Variants in SETD5 observed in about 807,000 individuals in gnomAD.
The protein encoded by SETD5 is SET domain containing 5.
Under a neutral mutation model 153.3 loss-of-function variants are expected in SETD5, and 44 were observed. The ratio of observed to expected loss-of-function variants is 0.29; its 90% CI spans 0.23 to 0.37. The LOEUF (loss-of-function observed/expected upper bound fraction) is 0.37, where lower values mean the gene tolerates loss of function less well. SETD5 is among the 10% of genes least tolerant of loss of function. The pLI is 1.00. For missense variants in SETD5, 1,544 were observed against 1,768.0 expected (o/e 0.87, Z 2.27); for synonymous variants, 716 against 645.2 (o/e 1.11, Z -1.66).
chr3:9,425,055 C>CTTTTTTTTTTTTTTTTTTTTTT lies in SETD5; in HGVS notation c.-117+531_-117+552dup, dbSNP rs778883904. Among the ~76,000 whole-genome samples the CTTTTTTTTTTTTTTTTTTTTTT allele has an allele frequency of 2.0e-4, 17 of 83,642 alleles. 3 individuals carry two copies. The highest frequency in any genetic ancestry group is 7.8e-4 in the African/African-American group (16 of 20,436). 54.9% of individuals were successfully genotyped at this position (83,642 alleles called of 152,430 possible). ...AAATTTATAGTTACCGACAATGTTT[C>CTTTTTTTTTTTTTTTTTTTTTT]TTTTTTTTTTTTTTTTTTTTTTTGA... On this transcript the variant is annotated intron_variant, in intron 2 of 22. Coordinates refer to ENST00000402198, the MANE Select transcript of SETD5 (RefSeq NM_001080517.3).
rs771835780 is a variant in SETD5 at position 9,445,115 on chromosome 3, A to G, written c.1255A>G (p.Asn419Asp). Residue 419 changes from asparagine (N) to aspartate (D), a missense_variant, in exon 12 of 23, where the codon AAT becomes GAT. By Grantham distance (23) the Asn-to-Asp change is conservative (BLOSUM62 1). Around this residue, in one of 9 missense-constraint regions of SETD5, gnomAD observed 782 missense variants for 787.2 expected, o/e 0.99. Transcript: ENST00000402198. ...TTGTCCTATACAAAAAAGGAATCCTAATGCTACAGAACTGCCACTCCTACC... is the reference window on the plus strand; with the variant it reads ...TTGTCCTATACAAAAAAGGAATCCTGATGCTACAGAACTGCCACTCCTACC... ...RNCPIQKRNPNATELPLLPPP... is the reference protein window; with the variant it reads ...RNCPIQKRNPDATELPLLPPP... 1 of 1,613,886 alleles carries G rather than the reference A, an allele frequency of 6.2e-7. No individual in the cohort carries two copies. The highest frequency in any genetic ancestry group is 1.3e-5 in the African/African-American group (1 of 74,918).
At chr3:9,448,142 G>A in intron 15 of SETD5, 136 bp downstream of exon 15, 3 of 1,171,756 alleles carry the variant, frequency 2.6e-6, no homozygotes, top group South Asian at 3.3e-5. Flanking sequence ...TGACACAAAA[G>A]GCTGGAGTCA....
At chr3:9,459,375 T>C (rs2043649898) in intron 17 of SETD5, among the ~76,000 whole-genome samples, 1 of 152,172 alleles carries the variant, frequency 6.6e-6, no homozygotes, top group African/African-American at 2.4e-5. Flanking sequence ...ATCTTATTTT[T>C]GATTCATTTT....
Position 9,434,354 on chromosome 3 carries a change from C to G in SETD5, c.198C>G (p.Asp66Glu). Residue 66 changes from aspartate (D) to glutamate (E), a missense_variant, in exon 5 of 23, where the codon GAC (aspartate) becomes GAG (glutamate). Around this residue, in one of 9 missense-constraint regions of SETD5, gnomAD observed 251 missense variants for 326.9 expected, o/e 0.77. Coordinates refer to ENST00000402198, the MANE Select transcript of SETD5 (RefSeq NM_001080517.3). The surrounding 1 kb of genome is among the most constrained non-coding windows in gnomAD (Gnocchi z 5.6). ...TCCAGACGATCATCCCTCGTTCTGA[C>G]CTGAATGGCCTGCCGTCGCCTGTAG... ...LPYATIIPRS[D>E]LNGLPSPVEE... 1.2e-6 allele frequency: 2 copies of G among 1,613,866 alleles called. No homozygotes were observed. The highest frequency in any genetic ancestry group is 1.7e-6 in the Non-Finnish European group (2 of 1,179,786).
chr3:9,443,868 A>T (rs2041606273), intron 11 of SETD5, among the ~76,000 whole-genome samples: 1 of 152,168 alleles, frequency 6.6e-6, no homozygotes, highest in Admixed American at 6.5e-5. Context: ...GATCGAGACC[A>T]TCCTGGCCAA....
At chr3:9,436,991 C>A in intron 7 of SETD5, 1 of 1,041,782 alleles carries the variant, frequency 9.6e-7, no homozygotes, top group Non-Finnish European at 1.4e-6. Flanking sequence ...TTGGACTCTG[C>A]TTTTCATTAG....
intron 14 of SETD5, 82 bp downstream of exon 14, chr3:9,447,389 A>G: frequency 6.6e-7 from 1 of 1,518,166 alleles, no homozygotes. Flanking sequence ...TTTTAAAATC[A>G]GTGTTTTCAG....
At chr3:9,441,890 GT>G in intron 9 of SETD5, 149 bp downstream of exon 9, 1 of 1,011,996 alleles carries the variant, frequency 9.9e-7, no homozygotes, top group Non-Finnish European at 1.5e-6. Context: ...TTGTAGAGAA[GT>G]GCAAGTAAAT....
In SETD5 at chr3:9,417,564, C is replaced by T. The variant is rs1215298259; in HGVS notation, c.-176-6903C>T. On this transcript the variant is annotated intron_variant, in intron 1 of 22. Transcript: ENST00000402198. Reference sequence around the variant, plus strand: ...GCAGTGGCGTGATCTCCACTCACTGCGAGCTCCGCCTCCCGGGTTCACGCC... The same window carrying T: ...GCAGTGGCGTGATCTCCACTCACTGTGAGCTCCGCCTCCCGGGTTCACGCC... Among the ~76,000 whole-genome samples the T allele has an allele frequency of 8.6e-5, 13 of 151,574 alleles. No homozygotes were observed. The East Asian group carries it at 1.9e-3, about 23-fold the overall frequency.
At chr3:9,456,976 A>G (rs554198195) in intron 17 of SETD5, among the ~76,000 whole-genome samples, 28 of 151,734 alleles carry the variant, frequency 1.8e-4, no homozygotes, top group African/African-American at 6.8e-4. Flanking sequence ...CTCCGTCTCA[A>G]AAAGAAAGAA....
At chr3:9,414,629 G>A (rs1205028143) in intron 1 of SETD5, among the ~76,000 whole-genome samples, 1 of 152,124 alleles carries the variant, frequency 6.6e-6, no homozygotes, top group East Asian at 1.9e-4. Context: ...AAAATGGAAG[G>A]ATATTGTGCA....
chr3:9,448,398 C>T lies in SETD5; in HGVS notation c.2114C>T (p.Thr705Ile). The change falls in exon 16 of 23, where the codon ACA becomes ATA. Residue 705 changes from threonine to isoleucine, a missense_variant. Physicochemically the swap from Thr to Ile is moderately conservative, Grantham distance 89 (BLOSUM62 -1). Coordinates refer to ENST00000402198, the MANE Select transcript of SETD5 (RefSeq NM_001080517.3). ...KYPKTKKYLV[T>I]EWLNDKAEKQ... is the part of the protein sequence containing the mutation. ...TCTTTTTTACCTTAGTATCTAGTTACAGAATGGTTGAATGACAAAGCAGAG... is the reference window on the plus strand; with the variant it reads ...TCTTTTTTACCTTAGTATCTAGTTATAGAATGGTTGAATGACAAAGCAGAG... 1.2e-6 allele frequency: 2 copies of T among 1,613,814 alleles called. No homozygotes were observed. The highest frequency in any genetic ancestry group is 1.7e-6 in the Non-Finnish European group (2 of 1,179,814).
In SETD5 at chr3:9,420,238, G is replaced by GATA. The variant is rs59123966; in HGVS notation, c.-176-4214_-176-4212dup. 5.6e-4 allele frequency among the ~76,000 whole-genome samples: 85 copies of GATA among 151,986 alleles called. 1 individual carries two copies. The East Asian group carries it at 0.014, about 25-fold the overall frequency. Reference sequence around the variant, plus strand: ...AAATAATTTATGATCACAATATTTAGATAATAATAATAATAATTCTGTTAT... The same window carrying GATA: ...AAATAATTTATGATCACAATATTTAGATAATAATAATAATAATAATTCTGTTAT... On this transcript the variant is annotated intron_variant, in intron 1 of 22. Coordinates refer to ENST00000402198, the MANE Select transcript of SETD5 (RefSeq NM_001080517.3).
Position 9,447,218 on chromosome 3 carries a change from T to C in SETD5, c.1693T>C (p.Ser565Pro). ...AGAGACAAAAACTGAAGCCCCTGAA[T>C]CTGAAGTTAGCAACTCTGTTTCAAA... ...GEETKTEAPESEVSNSVSNVT... is the reference protein window; with the variant it reads ...GEETKTEAPEPEVSNSVSNVT... The change falls in exon 14 of 23, where the codon TCT becomes CCT. Residue 565 changes from serine to proline, a missense_variant. Transcript: ENST00000402198. The C allele has an allele frequency of 2.5e-6, 4 of 1,614,004 alleles. No individual in the cohort carries two copies. The highest frequency in any genetic ancestry group is 3.4e-6 in the Non-Finnish European group (4 of 1,179,890).
chr3:9,430,334 A>C, intron 3 of SETD5: 1 of 983,996 alleles, frequency 1.0e-6, no homozygotes, highest in Non-Finnish European at 1.2e-6. Context: ...GTCTAAAATG[A>C]AAAGCAGTGT....
At chr3:9,453,893 T>G (rs761751417) in intron 17 of SETD5, 25 bp downstream of exon 17, 3 of 1,504,228 alleles carry the variant, frequency 2.0e-6, no homozygotes, top group Non-Finnish European at 2.7e-6. Context: ...CCTTTCTGAT[T>G]ATATGACCAA....
intron 17 of SETD5, 67 bp downstream of exon 17, chr3:9,453,935 G>A (rs2042921974): frequency 2.1e-6 from 3 of 1,429,558 alleles, no homozygotes; most frequent in Non-Finnish European, 2.8e-6. Context: ...AAAAATTTAA[G>A]TATGAGTATT....
intron 1 of SETD5, among the ~76,000 whole-genome samples, chr3:9,403,128 TG>T (rs2035081919): frequency 1.3e-5 from 2 of 152,278 alleles, no homozygotes; most frequent in South Asian, 4.1e-4. Context: ...TTATTCAGTT[TG>T]GCATACAATT....
chr3:9,404,242 C>T (rs370364452), intron 1 of SETD5, among the ~76,000 whole-genome samples: 43 of 152,082 alleles, frequency 2.8e-4, no homozygotes, highest in African/African-American at 9.4e-4. Context: ...ATGTTTTAAC[C>T]GATTAATAAC....
Sources: allele counts gnomAD v4.1 joint callset (sites outside exome capture counted in the v4.1 genomes callset), GRCh38; gene constraint gnomAD v4.1.1; regional missense constraint gnomAD v4.1.1; non-coding constraint Gnocchi (gnomAD v3.1); transcripts MANE v1.5; gene names NCBI Gene and HGNC (gene_info 2026-07-23, HGNC 2026-07-21).